The following TMCC3 variants were observed in gnomAD, a reference collection of about 807,000 sequenced individuals.
TMCC3 encodes the protein transmembrane and coiled-coil domain family 3, also known as transmembrane and coiled-coil domain protein 3.
Under a neutral mutation model 40.2 loss-of-function variants are expected in TMCC3, and 28 were observed. That is an observed-to-expected ratio of 0.70 (90% CI 0.52 to 0.95). The LOEUF is 0.95. Ranked by LOEUF, TMCC3 falls within the 40% of genes least tolerant of loss-of-function variation. The probability of loss-of-function intolerance (pLI) is 0.00; values close to 1 mark genes in which losing one functional copy is unlikely to be tolerated. For missense variants in TMCC3, 554 were observed against 615.2 expected, an observed-to-expected ratio of 0.90 and a Z score of 1.05; for synonymous variants, 255 against 248.5, an observed-to-expected ratio of 1.03 and a Z score of -0.25.
intron 1 of TMCC3, among the ~76,000 whole-genome samples, chr12:94,624,253 A>G (rs1423948433): frequency 6.6e-6 from 1 of 152,234 alleles, no homozygotes; most frequent in Non-Finnish European, 1.5e-5. Context: ...CAGAATTACC[A>G]TATGACCCAG....
intron 1 of TMCC3, among the ~76,000 whole-genome samples, chr12:94,622,863 A>C (rs2068883327): frequency 1.3e-5 from 2 of 150,402 alleles, no homozygotes; most frequent in South Asian, 4.2e-4. Flanking sequence ...CTCCAAAAAA[A>C]CCTCAACACT....
chr12:94,590,328 ACTC>A (rs1291379767), intron 1 of TMCC3, among the ~76,000 whole-genome samples: 1 of 126,626 alleles, frequency 7.9e-6, no homozygotes, highest in African/African-American at 3.1e-5. Flanking sequence ...CTGGTCTTGT[ACTC>A]CTGGCTTTAA....
Position 94,578,663 on chromosome 12 carries a change from A to C in TMCC3, c.996-134T>G. On this transcript the variant is annotated intron_variant, in intron 2 of 3. Transcript: ENST00000261226. ...GATGGGCTGTTTTTCTAAAAGAGTAAGGCTAGCTGTGGGAATTGAGCTTTT... is the reference window on the plus strand; with the variant it reads ...GATGGGCTGTTTTTCTAAAAGAGTACGGCTAGCTGTGGGAATTGAGCTTTT... 6 of 975,462 alleles carry C rather than the reference A, an allele frequency of 6.2e-6. 1 individual carries two copies. The Middle Eastern group carries it at 9.5e-4, about 155-fold the overall frequency. 60.4% of individuals were successfully genotyped at this position (975,462 alleles called of 1,614,324 possible). A position where few individuals can be genotyped will look rare whatever the true frequency, so the allele number is the denominator to read the frequency against.
At chr12:94,584,160 G>T (rs1182028647) in intron 1 of TMCC3, among the ~76,000 whole-genome samples, 1 of 152,116 alleles carries the variant, frequency 6.6e-6, no homozygotes, top group Non-Finnish European at 1.5e-5. Context: ...AGGCCTGGTG[G>T]GAGGTGATCG....
At chr12:94,610,139 A>G (rs2625935) in intron 1 of TMCC3, 53,302 of 152,156 alleles carry the variant, frequency 0.35, 11,092 homozygotes, top group Middle Eastern at 0.49. Flanking sequence ...CCTACTCTGT[A>G]TAAGGAAAAC....
At chr12:94,649,214 G>A (rs901136927) in intron 1 of TMCC3, among the ~76,000 whole-genome samples, 1 of 152,202 alleles carries the variant, frequency 6.6e-6, no homozygotes, top group Non-Finnish European at 1.5e-5. Context: ...ATAAACCAGA[G>A]ACTCATTGCT....
intron 1 of TMCC3, among the ~76,000 whole-genome samples, chr12:94,607,128 C>A (rs576621444): frequency 2.3e-4 from 35 of 152,214 alleles, no homozygotes; most frequent in Non-Finnish European, 4.6e-4. Context: ...TACCCTCTTA[C>A]TTGCACATCC....
intron 1 of TMCC3, among the ~76,000 whole-genome samples, chr12:94,624,681 T>A (rs1303865428): frequency 1.3e-5 from 2 of 151,886 alleles, no homozygotes; most frequent in African/African-American, 4.8e-5. Context: ...ACCACTGCAC[T>A]CCAGCTTGGG....
At chr12:94,629,762 A>G (rs1004030982) in intron 1 of TMCC3, among the ~76,000 whole-genome samples, 3 of 152,208 alleles carry the variant, frequency 2.0e-5, no homozygotes, top group Non-Finnish European at 4.4e-5. Flanking sequence ...CCAGACCTGG[A>G]GCAAAATTAA....
At position 94,569,914 on chromosome 12, in the gene TMCC3, GT is replaced by G. The variant is rs1435886464; in HGVS notation, c.*1520del. ...TGGTGGGACAAGGGGCTCAACAGCA[GT>G]TTCCATGAACATTGTTTCCATCTTC... is the stretch of plus-strand genomic sequence containing the variant. On this transcript the variant is annotated 3_prime_UTR_variant, in exon 4 of 4. Transcript: ENST00000261226. 2.6e-5 allele frequency: 4 copies of G among 152,244 alleles called. No individual in the cohort carries two copies. Among genetic ancestry groups the G allele is most frequent in the Admixed American group, 6.5e-5 (1 of 15,286 alleles). The allele number at this position is 152,244 out of a possible 1,614,324, so 9.4% of individuals were successfully genotyped here.
chr12:94,610,279 G>A (rs903149254), intron 1 of TMCC3, among the ~76,000 whole-genome samples: 13 of 152,130 alleles, frequency 8.5e-5, no homozygotes, highest in African/African-American at 3.1e-4. Flanking sequence ...TAGCCACCAA[G>A]TGTAAATACA....
At chr12:94,578,010 A>G (rs529817381) in intron 3 of TMCC3, among the ~76,000 whole-genome samples, 37 of 151,810 alleles carry the variant, frequency 2.4e-4, no homozygotes, top group Non-Finnish European at 3.7e-4. Context: ...TTAGCCAGGC[A>G]TGGTGGCATG....
chr12:94,649,825 G>A (rs922709357), intron 1 of TMCC3, among the ~76,000 whole-genome samples: 1 of 152,280 alleles, frequency 6.6e-6, no homozygotes, highest in African/African-American at 2.4e-5. Flanking sequence ...GCAGCGCAAA[G>A]ATTCTGACTT....
chr12:94,644,578 A>G (rs946673302), intron 1 of TMCC3, among the ~76,000 whole-genome samples: 2 of 152,198 alleles, frequency 1.3e-5, no homozygotes, highest in African/African-American at 4.8e-5. Context: ...CGAAAAACAC[A>G]CACCGCATCA....
Position 94,638,348 on chromosome 12 carries a change from T to C in TMCC3, c.78+12005A>G, listed in dbSNP as rs115938501. Among the ~76,000 whole-genome samples the C allele has an allele frequency of 7.2e-3, 1,090 of 152,310 alleles. 14 individuals carry two copies. The highest frequency in any genetic ancestry group is 0.025 in the African/African-American group (1,025 of 41,570). ...ACATGAGGACAGCATGAGGTCCTCT[T>C]GCACCATGCCATCTTATGGGGTGGA... On this transcript the variant is annotated intron_variant, in intron 1 of 3. Transcript: ENST00000261226.
chr12:94,610,251 G>C (rs1348828609), intron 1 of TMCC3, among the ~76,000 whole-genome samples: 2 of 152,072 alleles, frequency 1.3e-5, no homozygotes, highest in Non-Finnish European at 2.9e-5. Context: ...GTAGAAGAAA[G>C]GGAATCGGAA....
At chr12:94,617,187 G>C (rs1265718702) in intron 1 of TMCC3, among the ~76,000 whole-genome samples, 1 of 152,168 alleles carries the variant, frequency 6.6e-6, no homozygotes, top group African/African-American at 2.4e-5. Context: ...CCTCAGACAT[G>C]ATAAACTTAA....
At chr12:94,589,484 A>G (rs1441589782) in intron 1 of TMCC3, among the ~76,000 whole-genome samples, 1 of 150,022 alleles carries the variant, frequency 6.7e-6, no homozygotes, top group African/African-American at 2.4e-5. Flanking sequence ...ACAGGGGAGT[A>G]TAATCCTATT....
chr12:94,635,757 C>A (rs965509898), intron 1 of TMCC3, among the ~76,000 whole-genome samples: 3 of 151,178 alleles, frequency 2.0e-5, no homozygotes, highest in Non-Finnish European at 4.4e-5. Flanking sequence ...GCAACCTCCG[C>A]CTCCCAGGTT....
Sources: allele counts gnomAD v4.1 joint callset (sites outside exome capture counted in the v4.1 genomes callset), GRCh38; gene constraint gnomAD v4.1.1; transcripts MANE v1.5; gene names NCBI Gene and HGNC (gene_info 2026-07-23, HGNC 2026-07-21).